FAM171B: variants seen among roughly 807,000 people sequenced by gnomAD.
FAM171B encodes family with sequence similarity 171 member B, also known as protein FAM171B.
In FAM171B, 19 loss-of-function variants were observed where a neutral mutation model predicts 75.6. That is an observed-to-expected ratio of 0.25 (90% CI 0.18 to 0.37). The LOEUF is 0.37. Among genes scored for constraint, FAM171B ranks in the 10% least tolerant of loss-of-function variants. The pLI is 1.00. For synonymous variants in FAM171B, 367 were observed against 361.7 expected, an observed-to-expected ratio of 1.01 and a Z score of -0.17; for missense variants, 848 against 982.4, an observed-to-expected ratio of 0.86 and a Z score of 1.83.
At position 186,761,676 on chromosome 2, in the gene FAM171B, C is replaced by T; in HGVS notation, c.1334C>T (p.Ala445Val). Residue 445 changes from alanine to valine, a missense_variant, in exon 8 of 8, where the codon GCA (alanine) becomes GTA (valine). Around this residue, in one of 3 missense-constraint regions of FAM171B, gnomAD observed 665 missense variants for 729.0 expected, o/e 0.91. Transcript: ENST00000304698. ...CCTCAGAAAAAGGAACCATCAAAGG[C>T]AGAAACAGAAGAAAGAGTTTCCATG... ...YSPQKKEPSK[A>V]ETEERVSMVK... 4 of 1,612,228 alleles carry T rather than the reference C, an allele frequency of 2.5e-6. No individual in the cohort carries two copies. The highest frequency in any genetic ancestry group is 3.4e-6 in the Non-Finnish European group (4 of 1,179,426).
intron 1 of FAM171B, among the ~76,000 whole-genome samples, chr2:186,701,896 G>C (rs1348376852): frequency 6.6e-6 from 1 of 152,168 alleles, no homozygotes; most frequent in African/African-American, 2.4e-5. Context: ...TGTCTGACTA[G>C]GTTAGCTCTG....
chr2:186,719,336 CAAG>C (rs912213958), intron 1 of FAM171B, among the ~76,000 whole-genome samples: 2 of 152,246 alleles, frequency 1.3e-5, no homozygotes, highest in African/African-American at 2.4e-5. Flanking sequence ...ATTGATAGAA[CAAG>C]GAGAGAAAGG....
intron 7 of FAM171B, 52 bp from the exon 8 acceptor site, chr2:186,761,427 A>G: frequency 6.6e-7 from 1 of 1,516,614 alleles, no homozygotes; most frequent in African/African-American, 1.4e-5. Flanking sequence ...TTAATAAATG[A>G]ACCATTTGTG....
At chr2:186,740,022 G>T (rs1455044927) in intron 1 of FAM171B, among the ~76,000 whole-genome samples, 1 of 152,154 alleles carries the variant, frequency 6.6e-6, no homozygotes, top group Admixed American at 6.5e-5. Flanking sequence ...TGACTGAAAT[G>T]TTGCTATGGA....
intron 1 of FAM171B, among the ~76,000 whole-genome samples, chr2:186,733,073 A>G (rs1690142069): frequency 6.6e-6 from 1 of 152,116 alleles, no homozygotes; most frequent in Non-Finnish European, 1.5e-5. Flanking sequence ...TGCCTTGCTC[A>G]TATCTGATTA....
intron 1 of FAM171B, among the ~76,000 whole-genome samples, chr2:186,729,929 G>A (rs1264348718): frequency 6.6e-6 from 1 of 152,068 alleles, no homozygotes; most frequent in Non-Finnish European, 1.5e-5. Context: ...CTTATTAGCT[G>A]TGCAGTTTTT....
chr2:186,706,731 G>T lies in FAM171B; in HGVS notation c.238+12320G>T, dbSNP rs564346845. ...TAAGGAGTGGCTTAAAGATCAGGAT[G>T]CTATGCAGCGACTGTACATGTTCCT... On this transcript the variant is annotated intron_variant, in intron 1 of 7. Coordinates refer to ENST00000304698, the MANE Select transcript of FAM171B (RefSeq NM_177454.4). Among the ~76,000 whole-genome samples the T allele has an allele frequency of 4.1e-4, 62 of 152,252 alleles. 1 individual carries two copies. In the South Asian group the frequency reaches 0.013, roughly 31 times the overall value.
At chr2:186,703,076 TACACACACACAC>T (rs35043744) in intron 1 of FAM171B, among the ~76,000 whole-genome samples, 1 of 145,484 alleles carries the variant, frequency 6.9e-6, no homozygotes, top group Non-Finnish European at 1.5e-5. Context: ...TATATATATA[TACACACACACAC>T]ACACACACAC....
At chr2:186,696,939 T>A (rs1689590686) in intron 1 of FAM171B, among the ~76,000 whole-genome samples, 2 of 152,140 alleles carry the variant, frequency 1.3e-5, no homozygotes, top group Admixed American at 1.3e-4. Context: ...ACTGCTATAT[T>A]TCTAGTATCT....
intron 1 of FAM171B, among the ~76,000 whole-genome samples, chr2:186,712,884 C>T (rs1462761741): frequency 3.9e-5 from 6 of 152,136 alleles, no homozygotes; most frequent in Non-Finnish European, 1.5e-5. Context: ...AAAATACTGC[C>T]CAAGGGCCTC....
At chr2:186,729,106 T>C (rs1690075804) in intron 1 of FAM171B, among the ~76,000 whole-genome samples, 1 of 152,208 alleles carries the variant, frequency 6.6e-6, no homozygotes, top group South Asian at 2.1e-4. Flanking sequence ...AACCATCTGC[T>C]AAATAGTTAA....
chr2:186,762,553 C>A lies in FAM171B; in HGVS notation c.2211C>A (p.Tyr737Ter), dbSNP rs774737707. 1.2e-6 allele frequency: 2 copies of A among 1,613,600 alleles called. No homozygotes were observed. Among genetic ancestry groups the A allele is most frequent in the Non-Finnish European group, 1.7e-6 (2 of 1,179,718 alleles). The change falls in exon 8 of 8, where the codon TAC becomes TAA. Residue 737 changes from tyrosine to a stop codon, truncating the protein, a stop_gained. Coordinates refer to ENST00000304698, the MANE Select transcript of FAM171B (RefSeq NM_177454.4). LOFTEE classifies it high-confidence loss of function. The surrounding 1 kb of genome is among the most constrained non-coding windows in gnomAD (Gnocchi z 4.0). The part of the protein sequence containing the change: ...IKSMHQPKIL[Y>*]LEDLDLSSSE... ...GCATGCATCAGCCCAAGATCCTTTA[C>A]TTAGAAGATTTAGACCTAAGCAGCA...
intron 1 of FAM171B, 129 bp from the exon 2 acceptor site, chr2:186,740,099 T>C: frequency 1.6e-6 from 1 of 625,280 alleles, no homozygotes; most frequent in Non-Finnish European, 2.8e-6. Context: ...ATTATATGTA[T>C]TTATGTGTAG....
At chr2:186,714,892 A>C (rs1331301085) in intron 1 of FAM171B, among the ~76,000 whole-genome samples, 2 of 152,212 alleles carry the variant, frequency 1.3e-5, no homozygotes, top group Non-Finnish European at 2.9e-5. Flanking sequence ...CCAGCTAAAT[A>C]AAAGATTTGA....
At position 186,762,305 on chromosome 2, in the gene FAM171B, G is replaced by A. The variant is rs775293577; in HGVS notation, c.1963G>A (p.Glu655Lys). The change falls in exon 8 of 8, where the codon GAA becomes AAA. Residue 655 changes from glutamate to lysine, a missense_variant. Physicochemically the swap from Glu to Lys is moderately conservative, Grantham distance 56. Transcript: ENST00000304698. The surrounding 1 kb of genome is among the most constrained non-coding windows in gnomAD (Gnocchi z 4.0). ...PFSSELQGIS[E>K]QTLLELSKGK... The stretch of plus-strand genomic sequence containing the variant: ...TTCATCGGAACTTCAAGGAATTTCA[G>A]AACAGACCCTCCTGGAGCTGTCCAA... The A allele has an allele frequency of 1.9e-6, 3 of 1,613,634 alleles. No homozygotes were observed. In the South Asian group the frequency reaches 3.3e-5, roughly 18 times the overall value.
At chr2:186,735,840 G>T (rs1037296236) in intron 1 of FAM171B, among the ~76,000 whole-genome samples, 1 of 152,236 alleles carries the variant, frequency 6.6e-6, no homozygotes, top group East Asian at 1.9e-4. Context: ...TTTATGATAC[G>T]ATGGAAAAAT....
At chr2:186,739,810 A>G (rs934495974) in intron 1 of FAM171B, among the ~76,000 whole-genome samples, 2 of 152,240 alleles carry the variant, frequency 1.3e-5, no homozygotes, top group African/African-American at 4.8e-5. Context: ...GTAATCTATT[A>G]TCAAGTTTTA....
chr2:186,747,179 T>A lies in FAM171B; in HGVS notation c.653T>A (p.Leu218His). 1 of 1,608,648 alleles carries A rather than the reference T, an allele frequency of 6.2e-7. No homozygotes were observed. Among genetic ancestry groups the A allele is most frequent in the East Asian group, 2.2e-5 (1 of 44,556 alleles). ...CATATTAGCAACGTTACTGGCTATC[T>A]TACAGTTCTACAACAGTTTTTGAAA... is the stretch of plus-strand genomic sequence containing the variant. Reference protein sequence around the residue: ...NHHISNVTGYLTVLQQFLKVD... With the variant: ...NHHISNVTGYHTVLQQFLKVD... The change falls in exon 4 of 8, where the codon CTT becomes CAT. Residue 218 changes from leucine (L) to histidine (H), a missense_variant. Around this residue, in one of 3 missense-constraint regions of FAM171B, gnomAD observed 665 missense variants for 729.0 expected, o/e 0.91. Transcript: ENST00000304698.
chr2:186,727,673 C>T (rs1045306878), intron 1 of FAM171B, among the ~76,000 whole-genome samples: 4 of 151,950 alleles, frequency 2.6e-5, no homozygotes, highest in African/African-American at 9.7e-5. Flanking sequence ...TGGGGAAAAA[C>T]GACTGGAAAG....
Sources: allele counts gnomAD v4.1 joint callset (sites outside exome capture counted in the v4.1 genomes callset), GRCh38; gene constraint gnomAD v4.1.1; regional missense constraint gnomAD v4.1.1; non-coding constraint Gnocchi (gnomAD v3.1); transcripts MANE v1.5; gene names NCBI Gene and HGNC (gene_info 2026-07-23, HGNC 2026-07-21).